The following MIA2 variants were observed in gnomAD, a reference collection of about 807,000 sequenced individuals.
MIA2 encodes the protein MIA SH3 domain ER export factor 2, also known as melanoma inhibitory activity protein 2.
MIA2 carries 127 observed loss-of-function variants against 167.8 expected under a neutral mutation model. That is an observed-to-expected ratio of 0.76 (90% confidence interval 0.66 to 0.88). The LOEUF (loss-of-function observed/expected upper bound fraction) is 0.88. Among genes scored for constraint, MIA2 ranks in the 40% least tolerant of loss-of-function variants. MIA2 has a pLI of 0.00. For missense variants in MIA2, 1,690 were observed against 1,624.7 expected, an observed-to-expected ratio of 1.04 and a Z score of -0.69; for synonymous variants, 552 against 541.9, an observed-to-expected ratio of 1.02 and a Z score of -0.26.
intron 9 of MIA2, among the ~76,000 whole-genome samples, chr14:39,289,263 C>T (rs1386169428): frequency 6.6e-6 from 1 of 151,354 alleles, no homozygotes; most frequent in Non-Finnish European, 1.5e-5. Context: ...CTATGTCACT[C>T]AGGCTGGAGT....
At chr14:39,252,036 T>C (rs1326871648) in intron 4 of MIA2, among the ~76,000 whole-genome samples, 1 of 144,666 alleles carries the variant, frequency 6.9e-6, no homozygotes, top group Non-Finnish European at 1.5e-5. Flanking sequence ...ATGTTAGTTT[T>C]AGGGTTTTTT....
chr14:39,324,619 T>TTA (rs1218415937), intron 24 of MIA2, among the ~76,000 whole-genome samples: 7 of 151,924 alleles, frequency 4.6e-5, no homozygotes, highest in African/African-American at 1.7e-4. Context: ...TTTTTATTTT[T>TTA]TTTTTTTGAG....
At chr14:39,284,531 T>A (rs1402696968) in intron 9 of MIA2, among the ~76,000 whole-genome samples, 1 of 152,148 alleles carries the variant, frequency 6.6e-6, no homozygotes, top group Non-Finnish European at 1.5e-5. Context: ...CTATTTGGGA[T>A]CTTTTGCTAT....
At chr14:39,333,887 A>G (rs1229338093) in intron 25 of MIA2, among the ~76,000 whole-genome samples, 1 of 152,194 alleles carries the variant, frequency 6.6e-6, no homozygotes, top group Non-Finnish European at 1.5e-5. Context: ...GATATGGTCC[A>G]TTCTACAGAG....
chr14:39,365,897 G>GT (rs1412065130), intron 23 of MIA2, among the ~76,000 whole-genome samples: 8 of 151,846 alleles, frequency 5.3e-5, no homozygotes, highest in South Asian at 2.1e-4. Flanking sequence ...TCTTTTTTAT[G>GT]TTTTTTGTCT....
At chr14:39,289,396 G>A (rs2060413804) in intron 9 of MIA2, among the ~76,000 whole-genome samples, 1 of 151,998 alleles carries the variant, frequency 6.6e-6, no homozygotes, top group Non-Finnish European at 1.5e-5. Flanking sequence ...TGTATTTTTA[G>A]TAGAGACAGA....
intron 23 of MIA2, 121 bp downstream of exon 23, chr14:39,319,412 A>G (rs2066025832): frequency 2.2e-6 from 1 of 456,006 alleles, no homozygotes; most frequent in Non-Finnish European, 3.5e-6. Flanking sequence ...TTTAGATTTT[A>G]GAACCAAGGT....
chr14:39,297,543 G>C (rs766648095), intron 13 of MIA2, among the ~76,000 whole-genome samples: 6 of 152,120 alleles, frequency 3.9e-5, no homozygotes, highest in Non-Finnish European at 8.8e-5. Context: ...GTGTCTGACT[G>C]TTCAGTAGTC....
At chr14:39,265,516 A>G (rs2055459623) in intron 6 of MIA2, 6 of 917,060 alleles carry the variant, frequency 6.5e-6, no homozygotes, top group East Asian at 5.3e-5. Context: ...TATGGGGGGA[A>G]CTTGGATTTT....
intron 23 of MIA2, among the ~76,000 whole-genome samples, chr14:39,369,588 C>T (rs2074893772): frequency 6.6e-6 from 1 of 152,144 alleles, no homozygotes; most frequent in African/African-American, 2.4e-5. Context: ...CTCTGCTCCT[C>T]CTCTCCTCCA....
At chr14:39,367,951 ATGT>A (rs1239261023) in intron 23 of MIA2, among the ~76,000 whole-genome samples, 1 of 152,036 alleles carries the variant, frequency 6.6e-6, no homozygotes, top group Non-Finnish European at 1.5e-5. Context: ...TTATCTTTTA[ATGT>A]TGTTGGTGAG....
rs1289375650 is a variant in MIA2 at position 39,294,048 on chromosome 14, T to A, written c.2368T>A (p.Ser790Thr). ...RIQSLEDESK[S>T]LKSQVAEAKM... ...ACAGTCTCTAGAAGATGAGTCAAAA[T>A]CCCTCAAATCACAAGTAGCTGAAGT... Residue 790 changes from serine (S) to threonine (T), a missense_variant, in exon 12 of 29, where the codon TCC becomes ACC. Coordinates refer to ENST00000640607, the MANE Select transcript of MIA2 (RefSeq NM_001329214.4). 1 of 1,611,590 alleles carries A rather than the reference T, an allele frequency of 6.2e-7. No homozygotes were observed. Among genetic ancestry groups the A allele is most frequent in the Non-Finnish European group, 8.5e-7 (1 of 1,178,738 alleles).
intron 23 of MIA2, among the ~76,000 whole-genome samples, chr14:39,381,839 T>C (rs763085520): frequency 6.9e-6 from 1 of 145,660 alleles, no homozygotes; most frequent in Admixed American, 6.8e-5. Flanking sequence ...CAGAAACAAA[T>C]CAACAACAAC....
chr14:39,296,943 T>C lies in MIA2; in HGVS notation c.2496+1914T>C, dbSNP rs537137531. Among the ~76,000 whole-genome samples, 16 of 150,404 alleles carry C rather than the reference T, an allele frequency of 1.1e-4. No individual in the cohort carries two copies. In the South Asian group the frequency reaches 2.3e-3, roughly 22 times the overall value. On this transcript the variant is annotated intron_variant, in intron 13 of 28. Transcript: ENST00000640607. ...GGTGTCTGCCACCACGCCCGGCTAATTTTTTGTATTTTTAATAGAGACGGA... is the reference window on the plus strand; with the variant it reads ...GGTGTCTGCCACCACGCCCGGCTAACTTTTTGTATTTTTAATAGAGACGGA...
chr14:39,267,102 A>T (rs2055877546), intron 6 of MIA2: 3 of 1,116,756 alleles, frequency 2.7e-6, no homozygotes, highest in Non-Finnish European at 3.3e-6. Flanking sequence ...TGCGCGAAGA[A>T]GGGGAAGTTT....
intron 24 of MIA2, among the ~76,000 whole-genome samples, chr14:39,322,293 A>C (rs866361887): frequency 2.0e-4 from 31 of 152,226 alleles, no homozygotes; most frequent in Middle Eastern, 3.4e-3. Flanking sequence ...CTGTAATCCC[A>C]GTATTTTGGG....
At chr14:39,274,230 C>G (rs577772703) in intron 6 of MIA2, among the ~76,000 whole-genome samples, 3 of 152,004 alleles carry the variant, frequency 2.0e-5, no homozygotes, top group African/African-American at 7.2e-5. Context: ...TTCAGTTTAT[C>G]AGATTACATG....
Position 39,345,982 on chromosome 14 carries a change from C to T in MIA2, c.3734C>T (p.Pro1245Leu). 6.2e-7 allele frequency: 1 copy of T among 1,611,448 alleles called. No individual in the cohort carries two copies. The highest frequency in any genetic ancestry group is 8.5e-7 in the Non-Finnish European group (1 of 1,177,896). Residue 1245 changes from proline (P) to leucine (L), a missense_variant, in exon 26 of 29, where the codon CCA (proline) becomes CTA (leucine). Coordinates refer to ENST00000640607, the MANE Select transcript of MIA2 (RefSeq NM_001329214.4). The part of the protein sequence containing the change: ...FCSNSGRLSG[P>L]AELRSFNMPS... ...TCTAATTCTGGTAGACTGTCTGGAC[C>T]AGCAGAACTCAGAAGTTTTAATATG...
chr14:39,338,508 G>T (rs914855589), intron 25 of MIA2, among the ~76,000 whole-genome samples: 3 of 151,978 alleles, frequency 2.0e-5, no homozygotes, highest in African/African-American at 7.2e-5. Flanking sequence ...TTTTTCATAA[G>T]TTTAATTAGA....
Sources: allele counts gnomAD v4.1 joint callset (sites outside exome capture counted in the v4.1 genomes callset), GRCh38; gene constraint gnomAD v4.1.1; transcripts MANE v1.5; gene names NCBI Gene and HGNC (gene_info 2026-07-23, HGNC 2026-07-21).